The following NLRP7 variants were observed in gnomAD, a reference collection of about 807,000 sequenced individuals.
NLRP7 encodes NLR family pyrin domain containing 7, also known as NACHT, LRR and PYD domains-containing protein 7.
Under a neutral mutation model 85.5 loss-of-function variants are expected in NLRP7, and 72 were observed. The observed-to-expected ratio is 0.84, with a 90% CI of 0.70 to 1.02. NLRP7 has a LOEUF of 1.02. NLRP7 is among the 50% of genes least tolerant of loss of function. The pLI is 0.00. For synonymous variants in NLRP7, 550 were observed against 505.2 expected, an observed-to-expected ratio of 1.09 and a Z score of -1.19; for missense variants, 1,243 against 1,219.5, an observed-to-expected ratio of 1.02 and a Z score of -0.29.
rs573356149 is a variant in NLRP7, at chr19:54,936,681, G to A, written c.2130-250C>T. On this transcript the variant is annotated intron_variant, in intron 5 of 9. Transcript: ENST00000340844. ...TACAAAAAATAAATTAGCTGGGGCC[G>A]AGGCAGGCAGATCGCCTGAGGTCAG... Among the ~76,000 whole-genome samples the A allele has an allele frequency of 5.9e-4, 90 of 152,112 alleles. No individual in the cohort carries two copies. The South Asian group carries it at 7.7e-3, about 13-fold the overall frequency.
Position 54,938,758 on chromosome 19 carries a change from G to A in NLRP7, c.1931+130C>T, listed in dbSNP as rs541747041. 43 of 1,011,844 alleles carry A rather than the reference G, an allele frequency of 4.2e-5. No homozygotes were observed. The African/African-American group carries it at 6.3e-4, about 15-fold the overall frequency. 62.7% of individuals were successfully genotyped at this position (1,011,844 alleles called of 1,614,324 possible). ...AAAAGCCCCAATTCCTAATTGCCAA[G>A]TCGTGTCTCCACGTTGAACATGAAG... On this transcript the variant is annotated intron_variant, in intron 4 of 9. Coordinates refer to ENST00000340844, the Ensembl canonical transcript of NLRP7.
intron 1 of NLRP7, among the ~76,000 whole-genome samples, chr19:54,962,688 C>T (rs775846): frequency 0.24 from 36,526 of 150,596 alleles, 4,513 homozygotes; most frequent in East Asian, 0.37. Context: ...CAAGCTCCGC[C>T]TCCCGGGTTC....
At chr19:54,948,677 C>A (rs1315918467), upstream of NLRP7, among the ~76,000 whole-genome samples, 2 of 152,018 alleles carry the variant, frequency 1.3e-5, no homozygotes, top group Non-Finnish European at 2.9e-5. Context: ...TCAAGCAATT[C>A]TGATGCCTCA....
exon 8 of NLRP7, chr19:54,933,671 T>C (rs1362783436): frequency 1.2e-6 from 2 of 1,613,858 alleles, no homozygotes; most frequent in African/African-American, 2.7e-5. Flanking sequence ...GTGTGTCAGC[T>C]TCTTGCTGAC....
upstream of NLRP7, among the ~76,000 whole-genome samples, chr19:54,951,781 C>T (rs573664267): frequency 3.3e-5 from 5 of 150,654 alleles, no homozygotes; most frequent in African/African-American, 1.2e-4. Context: ...GACGGAGTCT[C>T]GCTCTGTCGC....
exon 2 of NLRP7, chr19:54,941,469 C>T (rs1051613046): frequency 2.2e-5 from 36 of 1,613,136 alleles, no homozygotes; most frequent in Non-Finnish European, 2.7e-5. Flanking sequence ...TACACAATTC[C>T]GTGAGATTCA....
At chr19:54,950,876 G>A (rs2146265051), upstream of NLRP7, among the ~76,000 whole-genome samples, 1 of 152,298 alleles carries the variant, frequency 6.6e-6, no homozygotes, top group South Asian at 2.1e-4. Flanking sequence ...CTTCCCATGA[G>A]ACCATATTTC....
intron 1 of NLRP7, among the ~76,000 whole-genome samples, chr19:54,962,268 A>ATTT (rs34974314): frequency 9.0e-5 from 12 of 133,180 alleles, no homozygotes; most frequent in East Asian, 2.3e-4. Context: ...CCATCCCTCA[A>ATTT]TTTTTTTTTT....
chr19:54,958,156 G>A (rs1176346279), intron 1 of NLRP7, among the ~76,000 whole-genome samples: 4 of 151,916 alleles, frequency 2.6e-5, no homozygotes, highest in African/African-American at 9.7e-5. Flanking sequence ...TCTCCCTGAG[G>A]CACTTGCTAT....
At chr19:54,938,989 G>C in exon 4 of NLRP7, 1 of 1,614,156 alleles carries the variant, frequency 6.2e-7, no homozygotes, top group Non-Finnish European at 8.5e-7. Flanking sequence ...AATGCTTCAG[G>C]CTGAAGGAAC....
At chr19:54,939,409 G>A (rs768655155) in exon 4 of NLRP7, 1 of 1,614,088 alleles carries the variant, frequency 6.2e-7, no homozygotes, top group East Asian at 2.2e-5. Context: ...ACTGCTGGAA[G>A]CTGAGGTGGA....
At chr19:54,957,733 G>A (rs1568435491) in intron 1 of NLRP7, among the ~76,000 whole-genome samples, 1 of 152,084 alleles carries the variant, frequency 6.6e-6, no homozygotes, top group Admixed American at 6.6e-5. Context: ...TGGGACTCCT[G>A]TGCATACATA....
At chr19:54,929,642 T>C (rs1333243492) in intron 9 of NLRP7, among the ~76,000 whole-genome samples, 2 of 152,106 alleles carry the variant, frequency 1.3e-5, no homozygotes, top group African/African-American at 4.8e-5. Context: ...TCCTGATTAC[T>C]GGATCCCAGC....
chr19:54,943,604 TG>T (rs962061732), intron 1 of NLRP7, among the ~76,000 whole-genome samples: 11 of 67,692 alleles, frequency 1.6e-4, no homozygotes, highest in African/African-American at 6.1e-4. Flanking sequence ...CCGTCTGGGT[TG>T]GGGGGGCGGG....
At chr19:54,947,379 C>T (rs2069520564) in intron 1 of NLRP7, 90 bp downstream of exon 1, 2 of 988,908 alleles carry the variant, frequency 2.0e-6, no homozygotes, top group South Asian at 2.7e-5. Context: ...ACCATTAAGG[C>T]TTGGGAAGGG....
chr19:54,934,596 G>A lies in NLRP7; in HGVS notation c.2364C>T (p.Asn788=), dbSNP rs772242457. The A allele has an allele frequency of 2.2e-5, 36 of 1,614,020 alleles. No homozygotes were observed. The East Asian group carries it at 6.2e-4, about 28-fold the overall frequency. Residue 788 remains asparagine (N), a synonymous_variant, in exon 7 of 10, where the codon AAC becomes AAT. Coordinates refer to ENST00000340844, the Ensembl canonical transcript of NLRP7. This position sits in a 1 kb window ranked among gnomAD's most constrained non-coding sequence, Gnocchi z 6.7. ...AGAGACGCAGGTGCTTCAGGGACTG[G>A]TTGGCTTTGAGGACATAGAAGAATT...
At chr19:54,930,467 A>C (rs2068628040) in intron 9 of NLRP7, 32 bp downstream of exon 9, 1 of 1,509,262 alleles carries the variant, frequency 6.6e-7, no homozygotes, top group Non-Finnish European at 9.2e-7. Context: ...GTCTCAAAAA[A>C]AGAAAGAAAG....
intron 1 of NLRP7, among the ~76,000 whole-genome samples, chr19:54,964,612 C>T (rs1225430858): frequency 6.6e-6 from 1 of 151,708 alleles, no homozygotes; most frequent in Non-Finnish European, 1.5e-5. Context: ...CACCTGAGGT[C>T]AGGAGTTTGA....
intron 9 of NLRP7, 27 bp downstream of exon 9, chr19:54,930,472 A>G (rs1299131997): frequency 2.0e-6 from 3 of 1,536,812 alleles, no homozygotes; most frequent in Non-Finnish European, 2.7e-6. Context: ...AAAAAAAGAA[A>G]GAAAGAAGAA....
Sources: gnomAD v4.1 joint callset for allele counts (sites outside exome capture counted in the v4.1 genomes callset) on GRCh38, gnomAD v4.1.1 for gene constraint, Gnocchi (gnomAD v3.1) non-coding constraint, MANE v1.5 for transcripts, NCBI Gene and HGNC (gene_info 2026-07-23, HGNC 2026-07-21) for gene names.